POGZ: variants seen among roughly 807,000 people sequenced by gnomAD.
POGZ encodes the protein pogo transposable element with ZNF domain.
In POGZ, 17 loss-of-function variants were observed where a neutral mutation model predicts 134.6. That is an observed-to-expected ratio of 0.13 (90% CI 0.09 to 0.19). The LOEUF (loss-of-function observed/expected upper bound fraction) is 0.19. Among genes scored for constraint, POGZ ranks in the 10% least tolerant of loss-of-function variants. The pLI is 1.00. For synonymous variants in POGZ, 693 were observed against 657.1 expected, an observed-to-expected ratio of 1.05 and a Z score of -0.84; for missense variants, 1,306 against 1,769.7, an observed-to-expected ratio of 0.74 and a Z score of 4.70.
intron 10 of POGZ, among the ~76,000 whole-genome samples, chr1:151,414,439 A>G (rs986823242): frequency 7.2e-5 from 11 of 152,210 alleles, no homozygotes; most frequent in Non-Finnish European, 1.3e-4. Context: ...CAACATCAAT[A>G]ATAAAAACAC....
intron 1 of POGZ, among the ~76,000 whole-genome samples, chr1:151,449,545 T>TA (rs1291237044): frequency 5.3e-5 from 8 of 151,452 alleles, no homozygotes; most frequent in African/African-American, 1.2e-4. Flanking sequence ...CGAGGGCAAT[T>TA]AAAAAAAAAT....
At chr1:151,420,152 C>T (rs1007661547) in intron 10 of POGZ, among the ~76,000 whole-genome samples, 2 of 151,940 alleles carry the variant, frequency 1.3e-5, no homozygotes, top group Admixed American at 1.3e-4. Context: ...TGCGTCACTG[C>T]ACCCCAGCCT....
intron 10 of POGZ, among the ~76,000 whole-genome samples, chr1:151,418,524 T>C (rs977001766): frequency 3.9e-5 from 6 of 152,096 alleles, no homozygotes; most frequent in Non-Finnish European, 5.9e-5. Context: ...AGTAGATCAG[T>C]AGGGTGACTA....
At chr1:151,423,697 G>GA in intron 9 of POGZ, 146 bp from the exon 10 acceptor site, 2 of 714,666 alleles carry the variant, frequency 2.8e-6, no homozygotes, top group Non-Finnish European at 4.6e-6. Flanking sequence ...TCTGAGCCCA[G>GA]AAAGATAATG....
intron 10 of POGZ, 122 bp downstream of exon 10, chr1:151,423,275 G>T: frequency 1.2e-6 from 1 of 802,222 alleles, no homozygotes; most frequent in Non-Finnish European, 2.0e-6. Context: ...CTACAAATAT[G>T]AAAAGTACTT....
At chr1:151,455,492 AT>A (rs916762298) in intron 1 of POGZ, among the ~76,000 whole-genome samples, 11 of 152,144 alleles carry the variant, frequency 7.2e-5, no homozygotes, top group Non-Finnish European at 1.5e-4. Flanking sequence ...AATGATTCTC[AT>A]TTTTTTGACT....
At chr1:151,427,573 T>A (rs1236178540) in intron 7 of POGZ, 1 of 434,638 alleles carries the variant, frequency 2.3e-6, no homozygotes, top group South Asian at 2.7e-5. Flanking sequence ...TATCTTTCAT[T>A]ATCTCACCCA....
chr1:151,428,092 G>A (rs752563360), intron 6 of POGZ, 31 bp downstream of exon 6: 2 of 1,613,308 alleles, frequency 1.2e-6, no homozygotes, highest in South Asian at 2.2e-5. Context: ...ATCCCAACCT[G>A]GCTCTGCCAT....
rs368922037 is a variant in POGZ at position 151,405,834 on chromosome 1, G to T, written c.3201C>A (p.Ile1067=). 1.2e-6 allele frequency: 2 copies of T among 1,614,160 alleles called. No individual in the cohort carries two copies. Among genetic ancestry groups the T allele is most frequent in the Middle Eastern group, 1.6e-4 (1 of 6,062 alleles). ...TGAAACGCACAGCCCACTCATAGGA[G>T]ATCTTAAACCCCCCTTCCAAAGAAC... The part of the protein sequence containing the change: ...IGRSLEGGFK[I]SYEWAVRFML... Residue 1067 remains isoleucine, a synonymous_variant, in exon 19 of 19, where the codon ATC becomes ATA. Transcript: ENST00000271715. The surrounding 1 kb of genome is among the most constrained non-coding windows in gnomAD (Gnocchi z 4.9).
Position 151,428,237 on chromosome 1 carries a change from T to C in POGZ, c.745A>G (p.Thr249Ala). Residue 249 changes from threonine to alanine, a missense_variant, in exon 6 of 19, where the codon ACC becomes GCC. Physicochemically the swap from Thr to Ala is moderately conservative, Grantham distance 58. Around this residue, in one of 10 missense-constraint regions of POGZ, gnomAD observed 541 missense variants for 680.5 expected, o/e 0.80. Coordinates refer to ENST00000271715, the MANE Select transcript of POGZ (RefSeq NM_015100.4). ...STVPQSQSQQ[T>A]KSTPSTSTTP... ...GTAGAAGTGCTGGGAGTGGACTTGG[T>C]CTGCTGGGACTGGGACTGTGGGACG... The C allele has an allele frequency of 6.2e-7, 1 of 1,614,010 alleles. No individual in the cohort carries two copies. Among genetic ancestry groups the C allele is most frequent in the Non-Finnish European group, 8.5e-7 (1 of 1,179,946 alleles).
chr1:151,410,247 A>G (rs564458500), intron 12 of POGZ, among the ~76,000 whole-genome samples: 2 of 152,210 alleles, frequency 1.3e-5, no homozygotes, highest in Non-Finnish European at 2.9e-5. Flanking sequence ...CTCTGGATTT[A>G]CCTACCCTGG....
At chr1:151,441,651 G>C (rs951194484) in intron 2 of POGZ, among the ~76,000 whole-genome samples, 1 of 152,098 alleles carries the variant, frequency 6.6e-6, no homozygotes, top group Non-Finnish European at 1.5e-5. Context: ...CATGAAGGCA[G>C]ACACAAGGCA....
At chr1:151,455,522 G>A (rs1662658526) in intron 1 of POGZ, among the ~76,000 whole-genome samples, 1 of 152,100 alleles carries the variant, frequency 6.6e-6, no homozygotes, top group South Asian at 2.1e-4. Context: ...TATTGAAGAC[G>A]CCAAAGATCT....
At chr1:151,446,274 A>AAAAAAAAG (rs139456031) in intron 1 of POGZ, among the ~76,000 whole-genome samples, 2 of 126,184 alleles carry the variant, frequency 1.6e-5, no homozygotes, top group Non-Finnish European at 1.7e-5. Context: ...AAAAAAAAAA[A>AAAAAAAAG]CGAATTTTAT....
At chr1:151,425,684 C>A (rs72996061) in intron 7 of POGZ, among the ~76,000 whole-genome samples, 2,505 of 152,218 alleles carry the variant, frequency 0.016, 83 homozygotes, top group African/African-American at 0.057. Context: ...CATGTTGTAG[C>A]AGAATTTCCT....
intron 1 of POGZ, among the ~76,000 whole-genome samples, chr1:151,452,742 C>CA (rs1662283984): frequency 6.6e-6 from 1 of 151,696 alleles, no homozygotes; most frequent in East Asian, 2.0e-4. Flanking sequence ...CTGGTGCCTG[C>CA]AGTCCCAGCT....
chr1:151,430,293 C>T (rs11204812), intron 4 of POGZ, among the ~76,000 whole-genome samples: 3,910 of 152,242 alleles, frequency 0.026, 161 homozygotes, highest in African/African-American at 0.089. Context: ...ATGAACTCCA[C>T]CAATTACATA....
At position 151,452,021 on chromosome 1, in the gene POGZ, C is replaced by T. The variant is rs537797559; in HGVS notation, c.-2+7131G>A. ...CTGAGACAGGAGAATTGCTTGAACC[C>T]GGGAGGTGGAGGTTGCAGTGAGCCG... On this transcript the variant is annotated intron_variant, in intron 1 of 18. Transcript: ENST00000271715. Among the ~76,000 whole-genome samples, 47 of 144,904 alleles carry T rather than the reference C, an allele frequency of 3.2e-4. 1 individual carries two copies. The South Asian group carries it at 9.8e-3, about 30-fold the overall frequency.
intron 12 of POGZ, among the ~76,000 whole-genome samples, chr1:151,410,598 G>A (rs1225088833): frequency 6.6e-6 from 1 of 152,046 alleles, no homozygotes; most frequent in Non-Finnish European, 1.5e-5. Flanking sequence ...AACAGGGTTG[G>A]GGGGCCCATG....
Sources: allele counts gnomAD v4.1 joint callset (sites outside exome capture counted in the v4.1 genomes callset), GRCh38; gene constraint gnomAD v4.1.1; regional missense constraint gnomAD v4.1.1; non-coding constraint Gnocchi (gnomAD v3.1); transcripts MANE v1.5; gene names NCBI Gene and HGNC (gene_info 2026-07-23, HGNC 2026-07-21).